The following AKR1E2 variants were observed in gnomAD, a reference collection of about 807,000 sequenced individuals.
The protein encoded by AKR1E2 is 1,5-anhydro-D-fructose reductase.
In AKR1E2, 43 loss-of-function variants were observed where a neutral mutation model predicts 41.9. The observed-to-expected ratio is 1.03, with a 90% CI of 0.80 to 1.32. The LOEUF (loss-of-function observed/expected upper bound fraction) is 1.32, where lower values mean the gene tolerates loss of function less well. Ranked by LOEUF, AKR1E2 falls within the 40% of genes most tolerant of loss-of-function variation. The pLI is 0.00. For missense variants in AKR1E2, 423 were observed against 396.5 expected (o/e 1.07, Z -0.57); for synonymous variants, 121 against 138.9 (o/e 0.87, Z 0.91).
At chr10:4,837,072 G>A (rs1032657994) in intron 4 of AKR1E2, among the ~76,000 whole-genome samples, 1 of 152,228 alleles carries the variant, frequency 6.6e-6, no homozygotes, top group African/African-American at 2.4e-5. Flanking sequence ...AATAAAATCC[G>A]CAGCAGACAT....
intron 1 of AKR1E2, among the ~76,000 whole-genome samples, chr10:4,829,547 G>A (rs1034853672): frequency 6.6e-6 from 1 of 151,720 alleles, no homozygotes. Context: ...GTTAAACTGA[G>A]ATGATTTTTT....
At chr10:4,865,912 G>A in the AKR1E2 span, among the ~76,000 whole-genome samples, 2 of 152,108 alleles carry the variant, frequency 1.3e-5, no homozygotes, top group East Asian at 3.8e-4. Flanking sequence ...AATTCTGGGG[G>A]AAAATTTAAA....
At chr10:4,850,822 T>G (rs570662190), downstream of AKR1E2, among the ~76,000 whole-genome samples, 3 of 152,226 alleles carry the variant, frequency 2.0e-5, no homozygotes, top group Non-Finnish European at 4.4e-5. Flanking sequence ...AACTGTGCAT[T>G]TAGACACTAT....
At chr10:4,828,996 A>C (rs1344370992) in intron 1 of AKR1E2, among the ~76,000 whole-genome samples, 2 of 152,194 alleles carry the variant, frequency 1.3e-5, no homozygotes, top group African/African-American at 4.8e-5. Context: ...TCAGCAAATA[A>C]TGGTAGTTTA....
the AKR1E2 span, among the ~76,000 whole-genome samples, chr10:4,872,148 A>G: frequency 0.22 from 33,169 of 152,166 alleles, 3,836 homozygotes; most frequent in Middle Eastern, 0.33. Flanking sequence ...GCACACATTC[A>G]CAAATATACC....
chr10:4,861,697 G>C, the AKR1E2 span, among the ~76,000 whole-genome samples: 258 of 152,236 alleles, frequency 1.7e-3, 1 homozygote, highest in Non-Finnish European at 7.8e-4. Flanking sequence ...AAAATTCTTT[G>C]AAATAATTTA....
rs1832786953 is a variant in AKR1E2 at position 4,829,338 on chromosome 10, T to C, written c.40-1337T>C. ...TTAGATATCTGAGATACACTCAACATGGGTGTGGTATATTATCTTTTCATA... is the reference window on the plus strand; with the variant it reads ...TTAGATATCTGAGATACACTCAACACGGGTGTGGTATATTATCTTTTCATA... On this transcript the variant is annotated intron_variant, in intron 1 of 9. Coordinates refer to ENST00000298375, the MANE Select transcript of AKR1E2 (RefSeq NM_001040177.3). 1.3e-5 allele frequency among the ~76,000 whole-genome samples: 2 copies of C among 152,228 alleles called. 1 individual carries two copies.
At chr10:4,866,421 A>T in the AKR1E2 span, among the ~76,000 whole-genome samples, 1 of 152,202 alleles carries the variant, frequency 6.6e-6, no homozygotes, top group Non-Finnish European at 1.5e-5. Flanking sequence ...AGATTCCCTG[A>T]ATATTACCAT....
intron 3 of AKR1E2, among the ~76,000 whole-genome samples, chr10:4,835,411 C>T (rs1175740271): frequency 6.6e-6 from 1 of 152,186 alleles, no homozygotes; most frequent in African/African-American, 2.4e-5. Flanking sequence ...AGAGGACAAC[C>T]TTGCATCAGT....
At chr10:4,850,132 G>T (rs1245775235), downstream of AKR1E2, among the ~76,000 whole-genome samples, 1 of 152,104 alleles carries the variant, frequency 6.6e-6, no homozygotes, top group African/African-American at 2.4e-5. Flanking sequence ...CCCTTCTTTG[G>T]TTCCCTGCTT....
At chr10:4,857,101 G>T in the AKR1E2 span, among the ~76,000 whole-genome samples, 529 of 152,186 alleles carry the variant, frequency 3.5e-3, 1 homozygote, top group Middle Eastern at 6.8e-3. Context: ...CACAATATTT[G>T]CCTTTTTATG....
the AKR1E2 span, among the ~76,000 whole-genome samples, chr10:4,872,564 A>G: frequency 6.6e-6 from 1 of 152,148 alleles, no homozygotes; most frequent in Non-Finnish European, 1.5e-5. Flanking sequence ...TTGTTGATTA[A>G]TATTACTGAT....
intron 1 of AKR1E2, among the ~76,000 whole-genome samples, chr10:4,829,677 T>C (rs1211879821): frequency 6.6e-6 from 1 of 152,174 alleles, no homozygotes; most frequent in Non-Finnish European, 1.5e-5. Flanking sequence ...AATTTTCCCA[T>C]TTTATCTCAT....
At chr10:4,870,104 A>G in the AKR1E2 span, among the ~76,000 whole-genome samples, 1 of 152,074 alleles carries the variant, frequency 6.6e-6, no homozygotes, top group Admixed American at 6.6e-5. Context: ...CTCTTTGTAT[A>G]GCATTGGTTG....
chr10:4,836,452 C>G (rs569011822), intron 4 of AKR1E2, among the ~76,000 whole-genome samples: 1 of 152,268 alleles, frequency 6.6e-6, no homozygotes, highest in African/African-American at 2.4e-5. Flanking sequence ...GCATGGCTGA[C>G]CGAGCACGTG....
At position 4,830,771 on chromosome 10, in the gene AKR1E2, G is replaced by T; in HGVS notation, c.136G>T (p.Val46Phe). The part of the protein sequence containing the change: ...CAYFYHNERE[V>F]GAGIRCKIKE... ...TTACTTTTACCACAATGAGAGGGAG[G>T]TTGGAGCAGGGATCCGTTGCAAGAT... The change falls in exon 2 of 10, where the codon GTT becomes TTT. Residue 46 changes from valine (V) to phenylalanine (F), a missense_variant. By Grantham distance (50) the Val-to-Phe change is conservative (BLOSUM62 -1). Coordinates refer to ENST00000298375, the MANE Select transcript of AKR1E2 (RefSeq NM_001040177.3). The T allele has an allele frequency of 5.0e-6, 8 of 1,614,152 alleles. No individual in the cohort carries two copies. The highest frequency in any genetic ancestry group is 6.8e-6 in the Non-Finnish European group (8 of 1,180,022).
the AKR1E2 span, among the ~76,000 whole-genome samples, chr10:4,866,400 G>T: frequency 4.6e-5 from 7 of 152,154 alleles, no homozygotes; most frequent in South Asian, 6.2e-4. Flanking sequence ...TTCAGAGTCT[G>T]CCCTTTATTC....
chr10:4,839,928 T>A (rs562138754), intron 6 of AKR1E2, 102 bp downstream of exon 6: 1 of 1,084,064 alleles, frequency 9.2e-7, no homozygotes, highest in East Asian at 2.4e-5. Flanking sequence ...ATGGAGGTTT[T>A]GACAGGGTGT....
the AKR1E2 span, among the ~76,000 whole-genome samples, chr10:4,856,937 C>T: frequency 8.8e-4 from 134 of 152,152 alleles, no homozygotes; most frequent in Admixed American, 3.0e-3. Context: ...CACCATCATC[C>T]ACTTCCAGAG....
Sources: gnomAD v4.1 joint callset for allele counts (sites outside exome capture counted in the v4.1 genomes callset) on GRCh38, gnomAD v4.1.1 for gene constraint, MANE v1.5 for transcripts, NCBI Gene and HGNC (gene_info 2026-07-23, HGNC 2026-07-21) for gene names.